The following CPQ variants were observed in gnomAD, a reference collection of about 807,000 sequenced individuals.
CPQ encodes the protein carboxypeptidase Q.
Under a neutral mutation model 45.7 loss-of-function variants are expected in CPQ, and 37 were observed. That is an observed-to-expected ratio of 0.81 (90% CI 0.62 to 1.07). The LOEUF (loss-of-function observed/expected upper bound fraction) is 1.07, where lower values mean the gene tolerates loss of function less well. CPQ is among the 50% of genes least tolerant of loss of function. The pLI, the probability that CPQ is intolerant of heterozygous loss-of-function variation, is 0.00. For missense variants in CPQ, 537 were observed against 572.9 expected (o/e 0.94, Z 0.64); for synonymous variants, 186 against 205.8 (o/e 0.90, Z 0.82).
In CPQ at chr8:96,938,307, G is replaced by A. The variant is rs138622497; in HGVS notation, c.850-27628G>A. 1.1e-4 allele frequency among the ~76,000 whole-genome samples: 17 copies of A among 152,276 alleles called. No homozygotes were observed. The East Asian group carries it at 2.9e-3, about 26-fold the overall frequency. On this transcript the variant is annotated intron_variant, in intron 4 of 7. Coordinates refer to ENST00000220763, the MANE Select transcript of CPQ (RefSeq NM_016134.4). The stretch of plus-strand genomic sequence containing the variant: ...AGCACTTTGGAAGGCCAAGGTGGAA[G>A]AATCGCTTGAGGCTAGGAGTTTGAG...
At position 97,123,144 on chromosome 8, in the gene CPQ, AAAAT is replaced by A. The variant is rs1242004696; in HGVS notation, c.1256-19868_1256-19865del. On this transcript the variant is annotated intron_variant, in intron 7 of 7. Transcript: ENST00000220763. ...TAAAATAAATAAAATAAAATAAAAT[AAAAT>A]AAATAAAATAAAATAAAATAAAATA... Among the ~76,000 whole-genome samples, 32 of 88,232 alleles carry A rather than the reference AAAAT, an allele frequency of 3.6e-4. 2 individuals are homozygous for A. The highest frequency in any genetic ancestry group is 4.3e-4 in the Non-Finnish European group (21 of 48,518). 57.9% of individuals were successfully genotyped at this position (88,232 alleles called of 152,430 possible).
chr8:97,001,979 C>G (rs1018513719), intron 5 of CPQ, among the ~76,000 whole-genome samples: 2 of 151,842 alleles, frequency 1.3e-5, no homozygotes, highest in African/African-American at 4.8e-5. Context: ...CCAGTTTATT[C>G]CTGGTTCAGT....
chr8:97,130,012 T>C (rs1421703931), intron 7 of CPQ, among the ~76,000 whole-genome samples: 1 of 152,236 alleles, frequency 6.6e-6, no homozygotes, highest in Admixed American at 6.5e-5. Flanking sequence ...GTTGATACAT[T>C]GTAAACGTAA....
At chr8:97,125,185 C>T (rs1300436635) in intron 7 of CPQ, among the ~76,000 whole-genome samples, 2 of 152,032 alleles carry the variant, frequency 1.3e-5, no homozygotes, top group Admixed American at 1.3e-4. Flanking sequence ...ATTGCTAATA[C>T]TGATTCAAGA....
At chr8:97,038,395 T>C (rs1294624364) in intron 6 of CPQ, among the ~76,000 whole-genome samples, 1 of 152,150 alleles carries the variant, frequency 6.6e-6, no homozygotes, top group Non-Finnish European at 1.5e-5. Flanking sequence ...TCCCTACTCC[T>C]AACCAGGTCA....
At position 96,746,661 on chromosome 8, in the gene CPQ, G is replaced by A. The variant is rs1347729445; in HGVS notation, c.-34-38203G>A. 4.6e-5 allele frequency among the ~76,000 whole-genome samples: 7 copies of A among 152,176 alleles called. No individual in the cohort carries two copies. In the East Asian group the frequency reaches 1.2e-3, roughly 25 times the overall value. ...CTCTCCCTGCACTGTACCTCTCGAG[G>A]TATCCAGTAGTGGCAGTTGAAGTAT... On this transcript the variant is annotated intron_variant, in intron 1 of 7. Coordinates refer to ENST00000220763, the MANE Select transcript of CPQ (RefSeq NM_016134.4).
At chr8:97,029,585 C>A in intron 6 of CPQ, 91 bp downstream of exon 6, 1 of 1,171,556 alleles carries the variant, frequency 8.5e-7, no homozygotes, top group African/African-American at 1.5e-5. Flanking sequence ...ATAATACTTT[C>A]TGGTCAACTG....
At chr8:96,876,475 G>A (rs1812146513) in intron 3 of CPQ, among the ~76,000 whole-genome samples, 1 of 152,068 alleles carries the variant, frequency 6.6e-6, no homozygotes, top group Non-Finnish European at 1.5e-5. Context: ...ATGTTTAATA[G>A]GAGTGGGGAG....
intron 4 of CPQ, among the ~76,000 whole-genome samples, chr8:96,891,760 C>T (rs559798884): frequency 9.8e-4 from 150 of 152,302 alleles, no homozygotes; most frequent in African/African-American, 3.4e-3. Flanking sequence ...AGCACCATAG[C>T]TGCATGGTAA....
rs572906188 is a variant in CPQ at position 96,821,126 on chromosome 8, A to ATTTTTTTTT, written c.434-13830_434-13822dup. On this transcript the variant is annotated intron_variant, in intron 2 of 7. Coordinates refer to ENST00000220763, the MANE Select transcript of CPQ (RefSeq NM_016134.4). ...ACCTTTTGCCCAATATTTAATCTGA[A>ATTTTTTTTT]TTTTTTTTTTTTTTTTTTTTTTTTT... 1.3e-3 allele frequency among the ~76,000 whole-genome samples: 80 copies of ATTTTTTTTT among 60,894 alleles called. 1 individual carries two copies. Among genetic ancestry groups the ATTTTTTTTT allele is most frequent in the Middle Eastern group, 0.013 (1 of 80 alleles). The allele number at this position is 60,894 out of a possible 152,430, so 39.9% of individuals were successfully genotyped here. A position where few individuals can be genotyped will look rare whatever the true frequency, so the allele number is the denominator to read the frequency against.
intron 5 of CPQ, among the ~76,000 whole-genome samples, chr8:96,985,041 T>G (rs1813988505): frequency 6.6e-6 from 1 of 152,212 alleles, no homozygotes; most frequent in South Asian, 2.1e-4. Context: ...TTGTTCCATC[T>G]TTGAATGATG....
intron 4 of CPQ, among the ~76,000 whole-genome samples, chr8:96,908,747 G>GCACACACAAACA (rs1554577102): frequency 2.8e-5 from 4 of 140,918 alleles, no homozygotes; most frequent in African/African-American, 7.8e-5. Context: ...ATACACATGC[G>GCACACACAAACA]CACACACACA....
chr8:96,999,900 G>T (rs938989622), intron 5 of CPQ, among the ~76,000 whole-genome samples: 4 of 151,510 alleles, frequency 2.6e-5, no homozygotes, highest in Non-Finnish European at 5.9e-5. Flanking sequence ...ATCAGCATCT[G>T]TTATTTTTGA....
At chr8:97,130,024 T>G (rs780951534) in intron 7 of CPQ, among the ~76,000 whole-genome samples, 4 of 152,218 alleles carry the variant, frequency 2.6e-5, no homozygotes, top group Non-Finnish European at 5.9e-5. Flanking sequence ...TAAACGTAAC[T>G]GTGATCATTC....
intron 1 of CPQ, among the ~76,000 whole-genome samples, chr8:96,782,361 C>T (rs114950726): frequency 0.011 from 1,666 of 152,254 alleles, 41 homozygotes; most frequent in African/African-American, 0.037. Context: ...TGTGCCTGCT[C>T]AAGCTATGGC....
chr8:97,011,195 A>C (rs898532296), intron 5 of CPQ, among the ~76,000 whole-genome samples: 7 of 152,188 alleles, frequency 4.6e-5, no homozygotes, highest in African/African-American at 1.7e-4. Context: ...TGGACATTCC[A>C]ATGTTGTTCA....
intron 5 of CPQ, among the ~76,000 whole-genome samples, chr8:96,999,006 CA>C (rs1446739334): frequency 6.6e-5 from 10 of 151,950 alleles, no homozygotes; most frequent in Non-Finnish European, 1.3e-4. Context: ...ATCTACTAGA[CA>C]TTTTTACAAG....
intron 1 of CPQ, among the ~76,000 whole-genome samples, chr8:96,714,805 G>A (rs922986231): frequency 6.6e-6 from 1 of 151,838 alleles, no homozygotes; most frequent in African/African-American, 2.4e-5. Flanking sequence ...TGATTCTACT[G>A]TGTTTTCTTT....
intron 1 of CPQ, among the ~76,000 whole-genome samples, chr8:96,662,016 C>T (rs1815707145): frequency 6.6e-6 from 1 of 152,124 alleles, no homozygotes; most frequent in Non-Finnish European, 1.5e-5. Context: ...TTTTCTTTTC[C>T]ATTTCCCTGC....
Sources: gnomAD v4.1 joint callset for allele counts (sites outside exome capture counted in the v4.1 genomes callset) on GRCh38, gnomAD v4.1.1 for gene constraint, MANE v1.5 for transcripts, NCBI Gene and HGNC (gene_info 2026-07-23, HGNC 2026-07-21) for gene names.